The following KIAA0232 variants were observed in gnomAD, a reference collection of about 807,000 sequenced individuals.
The protein encoded by KIAA0232 is KIAA0232, also known as uncharacterized protein KIAA0232.
Under a neutral mutation model 122.0 loss-of-function variants are expected in KIAA0232, and 27 were observed. The observed-to-expected ratio is 0.22, with a 90% CI of 0.16 to 0.31. KIAA0232 has a LOEUF of 0.31. Ranked by LOEUF, KIAA0232 falls within the 10% of genes least tolerant of loss-of-function variation. KIAA0232 has a pLI of 1.00. For synonymous variants in KIAA0232, 613 were observed against 587.6 expected (o/e 1.04, Z -0.63); for missense variants, 1,551 against 1,634.2 (o/e 0.95, Z 0.88).
intron 3 of KIAA0232, among the ~76,000 whole-genome samples, chr4:6,828,995 A>G (rs1718834082): frequency 6.6e-6 from 1 of 151,786 alleles, no homozygotes; most frequent in Admixed American, 6.6e-5. Flanking sequence ...CTCATCTAGT[A>G]TCTAGTTTGA....
intron 2 of KIAA0232, among the ~76,000 whole-genome samples, chr4:6,819,922 A>G (rs1023434873): frequency 6.6e-6 from 1 of 152,208 alleles, no homozygotes; most frequent in Non-Finnish European, 1.5e-5. Context: ...AGCCATTAAA[A>G]AAAGAATGAA....
chr4:6,840,348 G>A lies in KIAA0232; in HGVS notation c.232-1719G>A, dbSNP rs183211154. 5.5e-4 allele frequency among the ~76,000 whole-genome samples: 84 copies of A among 152,316 alleles called. No homozygotes were observed. In the East Asian group the frequency reaches 0.014, roughly 26 times the overall value. ...CTCTGAGCCAATCTTTGTGGCCAAA[G>A]GGATGATGGGGGTAGTGTTAATCCC... On this transcript the variant is annotated intron_variant, in intron 3 of 9. Coordinates refer to ENST00000307659, the MANE Select transcript of KIAA0232 (RefSeq NM_014743.3).
chr4:6,798,655 G>A (rs1054959323), intron 1 of KIAA0232, among the ~76,000 whole-genome samples: 7 of 152,136 alleles, frequency 4.6e-5, no homozygotes, highest in African/African-American at 1.7e-4. Flanking sequence ...GGGCTCGAAC[G>A]AGCCTCCCAC....
chr4:6,864,480 T>G lies in KIAA0232; in HGVS notation c.3801+297T>G, dbSNP rs186120736. ...TTGGCCGGGTGCAGTGGCTCACGCC[T>G]GTAATCCCAGCACTTTGGGAGGCCG... On this transcript the variant is annotated intron_variant, in intron 7 of 9. Transcript: ENST00000307659. Among the ~76,000 whole-genome samples, 644 of 152,264 alleles carry G rather than the reference T, an allele frequency of 4.2e-3. 3 individuals are homozygous for G. Among genetic ancestry groups the G allele is most frequent in the African/African-American group, 0.015 (615 of 41,546 alleles).
intron 4 of KIAA0232, among the ~76,000 whole-genome samples, chr4:6,852,825 C>T (rs139599172): frequency 5.7e-4 from 87 of 152,312 alleles, no homozygotes; most frequent in Non-Finnish European, 3.2e-4. Context: ...TGGCTGGGAG[C>T]TGTGACCTTT....
At chr4:6,799,036 C>CA (rs1458498362) in intron 1 of KIAA0232, among the ~76,000 whole-genome samples, 2 of 152,070 alleles carry the variant, frequency 1.3e-5, no homozygotes, top group South Asian at 4.1e-4. Flanking sequence ...GCCAGAAGTC[C>CA]AAAATCCAAG....
intron 5 of KIAA0232, 111 bp from the exon 6 acceptor site, chr4:6,858,314 A>T: frequency 1.6e-6 from 1 of 626,070 alleles, no homozygotes; most frequent in Non-Finnish European, 2.7e-6. Flanking sequence ...TTTGCCTTTT[A>T]AGCACCAAAG....
chr4:6,795,510 G>C (rs542432572), intron 1 of KIAA0232, among the ~76,000 whole-genome samples: 1 of 152,190 alleles, frequency 6.6e-6, no homozygotes, highest in Non-Finnish European at 1.5e-5. Flanking sequence ...TATATTTGGA[G>C]TGATATTATT....
At chr4:6,810,540 C>T (rs1717831477) in intron 2 of KIAA0232, among the ~76,000 whole-genome samples, 1 of 152,142 alleles carries the variant, frequency 6.6e-6, no homozygotes, top group African/African-American at 2.4e-5. Context: ...GTGACTAAGA[C>T]CTCAAAAACA....
intron 3 of KIAA0232, among the ~76,000 whole-genome samples, chr4:6,827,738 A>G (rs1383930452): frequency 3.3e-5 from 5 of 152,240 alleles, no homozygotes; most frequent in Admixed American, 6.5e-5. Context: ...TGAATCATCT[A>G]TAAACCTCTA....
intron 2 of KIAA0232, among the ~76,000 whole-genome samples, chr4:6,813,790 G>A (rs1717990911): frequency 6.6e-6 from 1 of 152,088 alleles, no homozygotes; most frequent in South Asian, 2.1e-4. Context: ...TCCCTGGGCT[G>A]GTTATAAACT....
chr4:6,828,176 A>C (rs1718790610), intron 3 of KIAA0232, among the ~76,000 whole-genome samples: 1 of 152,144 alleles, frequency 6.6e-6, no homozygotes, highest in Non-Finnish European at 1.5e-5. Context: ...TTTTTAAAAA[A>C]GTTTAACCAG....
chr4:6,845,753 T>C (rs1405790375), intron 4 of KIAA0232, among the ~76,000 whole-genome samples: 1 of 152,180 alleles, frequency 6.6e-6, no homozygotes, highest in Non-Finnish European at 1.5e-5. Flanking sequence ...GAAATGAGCC[T>C]AGCCTTTGAC....
intron 1 of KIAA0232, among the ~76,000 whole-genome samples, chr4:6,799,627 A>G (rs1279066027): frequency 6.6e-6 from 1 of 152,150 alleles, no homozygotes; most frequent in East Asian, 1.9e-4. Flanking sequence ...GACTCTTATA[A>G]TAGAGACTAA....
chr4:6,804,885 C>T lies in KIAA0232; in HGVS notation c.-270+279C>T, dbSNP rs950333795. ...TGGAGAAAATTCTTTCTGATTAGAA[C>T]ATCTCCTGTTTCCCAAGCTGTGTTC... On this transcript the variant is annotated intron_variant, in intron 2 of 9. Coordinates refer to ENST00000307659, the MANE Select transcript of KIAA0232 (RefSeq NM_014743.3). Among the ~76,000 whole-genome samples the T allele has an allele frequency of 2.0e-5, 3 of 152,136 alleles. No individual in the cohort carries two copies. The East Asian group carries it at 5.8e-4, about 29-fold the overall frequency.
At position 6,872,368 on chromosome 4, in the gene KIAA0232, G is replaced by C. The variant is rs553115674; in HGVS notation, c.3910+686G>C. 2.6e-5 allele frequency among the ~76,000 whole-genome samples: 4 copies of C among 152,302 alleles called. No individual in the cohort carries two copies. The East Asian group carries it at 7.7e-4, about 29-fold the overall frequency. On this transcript the variant is annotated intron_variant, in intron 8 of 9. Transcript: ENST00000307659. ...GACCGAGAGGTTTTGTAGAGGAGGA[G>C]TTTGTTGGATTACTTTCTATGAGGA...
intron 4 of KIAA0232, among the ~76,000 whole-genome samples, chr4:6,848,652 C>T (rs1028259295): frequency 1.3e-5 from 2 of 152,182 alleles, no homozygotes; most frequent in Non-Finnish European, 2.9e-5. Context: ...GTCCTGGAAG[C>T]GACCCAATAT....
At chr4:6,785,358 C>A (rs1716571967) in intron 1 of KIAA0232, among the ~76,000 whole-genome samples, 1 of 152,158 alleles carries the variant, frequency 6.6e-6, no homozygotes, top group African/African-American at 2.4e-5. Context: ...CTTTATTTTT[C>A]ATTGTGTGGA....
At chr4:6,829,036 C>T (rs922615646) in intron 3 of KIAA0232, among the ~76,000 whole-genome samples, 1 of 151,858 alleles carries the variant, frequency 6.6e-6, no homozygotes, top group Non-Finnish European at 1.5e-5. Flanking sequence ...GGCCACATCT[C>T]CTTAATCTCC....
Sources: gnomAD v4.1 joint callset for allele counts (sites outside exome capture counted in the v4.1 genomes callset) on GRCh38, gnomAD v4.1.1 for gene constraint, MANE v1.5 for transcripts, NCBI Gene and HGNC (gene_info 2026-07-23, HGNC 2026-07-21) for gene names.